TRMT10B: variants seen among roughly 807,000 people sequenced by gnomAD.
TRMT10B encodes the protein tRNA methyltransferase 10B, also known as tRNA methyltransferase 10 homolog B.
In TRMT10B, 33 loss-of-function variants were observed where a neutral mutation model predicts 43.8. The observed-to-expected ratio is 0.75, with a 90% CI of 0.57 to 1.01. The LOEUF (loss-of-function observed/expected upper bound fraction) is 1.01. TRMT10B is among the 50% of genes least tolerant of loss of function. TRMT10B has a pLI of 0.00. For missense variants in TRMT10B, 362 were observed against 369.8 expected (o/e 0.98, Z 0.17); for synonymous variants, 137 against 130.6 (o/e 1.05, Z -0.34).
At position 37,763,571 on chromosome 9, in the gene TRMT10B, C is replaced by G. The variant is rs556830746; in HGVS notation, c.296-58C>G. The G allele has an allele frequency of 1.8e-5, 27 of 1,500,040 alleles. No homozygotes were observed. In the African/African-American group the frequency reaches 3.7e-4, roughly 21 times the overall value. 92.9% of individuals were successfully genotyped at this position (1,500,040 alleles called of 1,614,324 possible). A position where few individuals can be genotyped will look rare whatever the true frequency, so the allele number is the denominator to read the frequency against. ...ATACCCACCTGGCTAAGATTTGTTTCTTATATAATATTCCTCTGGTTTTCC... is the reference window on the plus strand; with the variant it reads ...ATACCCACCTGGCTAAGATTTGTTTGTTATATAATATTCCTCTGGTTTTCC... On this transcript the variant is annotated intron_variant, in intron 3 of 8. Coordinates refer to ENST00000297994, the MANE Select transcript of TRMT10B (RefSeq NM_144964.4).
At chr9:37,761,767 T>A (rs1372280445) in intron 1 of TRMT10B, 136 bp from the exon 2 acceptor site, 1 of 607,034 alleles carries the variant, frequency 1.6e-6, no homozygotes, top group East Asian at 2.8e-5. Flanking sequence ...CACATGCTTT[T>A]CTCAGTCCAG....
In TRMT10B at chr9:37,775,925, C is replaced by T. The variant is rs150223462; in HGVS notation, c.721-357C>T. Among the ~76,000 whole-genome samples the T allele has an allele frequency of 1.6e-3, 241 of 152,336 alleles. 2 individuals carry two copies. The highest frequency in any genetic ancestry group is 5.6e-3 in the African/African-American group (234 of 41,584). ...GTCTACCTTTTCCTCTAATTTGATG[C>T]TGCCTTTTGGCAATGAGCTGGAAGT... On this transcript the variant is annotated intron_variant, in intron 7 of 8. Coordinates refer to ENST00000297994, the MANE Select transcript of TRMT10B (RefSeq NM_144964.4).
At chr9:37,765,247 C>T (rs182666026) in intron 4 of TRMT10B, among the ~76,000 whole-genome samples, 40 of 152,262 alleles carry the variant, frequency 2.6e-4, no homozygotes, top group Admixed American at 5.9e-4. Context: ...TCCTTCCCCC[C>T]GTCCCCCGAC....
intron 7 of TRMT10B, among the ~76,000 whole-genome samples, chr9:37,773,887 G>A (rs1589044663): frequency 6.6e-6 from 1 of 150,524 alleles, no homozygotes; most frequent in South Asian, 2.1e-4. Context: ...AGAGTTAGAG[G>A]CTGCAGAGAA....
chr9:37,769,720 T>C, intron 5 of TRMT10B: 1 of 490,166 alleles, frequency 2.0e-6, no homozygotes, highest in South Asian at 2.2e-5. Context: ...ACCTCACTCC[T>C]AAGTATTATA....
chr9:37,761,126 C>T (rs987382550), intron 1 of TRMT10B, among the ~76,000 whole-genome samples: 4 of 152,208 alleles, frequency 2.6e-5, no homozygotes, highest in Non-Finnish European at 5.9e-5. Flanking sequence ...GGTTTCATGT[C>T]ACTCTACTAT....
chr9:37,757,912 T>TC (rs573892323), intron 1 of TRMT10B, among the ~76,000 whole-genome samples: 123 of 152,322 alleles, frequency 8.1e-4, no homozygotes, highest in Admixed American at 2.9e-3. Flanking sequence ...AATGCTATTT[T>TC]CCCGCTTAAA....
Position 37,774,202 on chromosome 9 carries a change from G to A in TRMT10B, c.721-2080G>A, listed in dbSNP as rs115066596. Among the ~76,000 whole-genome samples the A allele has an allele frequency of 5.1e-3, 774 of 152,140 alleles. 5 individuals carry two copies. Among genetic ancestry groups the A allele is most frequent in the African/African-American group, 0.018 (737 of 41,508 alleles). ...TTTTTTGTTGAGTTGGGGTTTCACC[G>A]TATGGCCCATGCTGGTGTCGAACTG... On this transcript the variant is annotated intron_variant, in intron 7 of 8. Coordinates refer to ENST00000297994, the MANE Select transcript of TRMT10B (RefSeq NM_144964.4).
chr9:37,762,751 A>G (rs1826502245), intron 3 of TRMT10B, 66 bp downstream of exon 3: 1 of 1,490,854 alleles, frequency 6.7e-7, no homozygotes, highest in African/African-American at 1.4e-5. Context: ...TGCATGTTCC[A>G]ATGAGAGTAG....
rs1826694714 is a variant in TRMT10B at position 37,763,907 on chromosome 9, G to C, written c.420+154G>C. 4 of 1,476,394 alleles carry C rather than the reference G, an allele frequency of 2.7e-6. No homozygotes were observed. In the African/African-American group the frequency reaches 5.7e-5, roughly 21 times the overall value. The allele number at this position is 1,476,394 out of a possible 1,614,324, so 91.5% of individuals were successfully genotyped here. A position where few individuals can be genotyped will look rare whatever the true frequency, so the allele number is the denominator to read the frequency against. On this transcript the variant is annotated intron_variant, in intron 4 of 8. Transcript: ENST00000297994. Reference sequence around the variant, plus strand: ...TCTATACTGGGTTACTAAGTTCCAAGGTGGCTGTTGTAACGAACCTGGAAG... The same window carrying C: ...TCTATACTGGGTTACTAAGTTCCAACGTGGCTGTTGTAACGAACCTGGAAG...
At chr9:37,755,475 A>G (rs370043824) in intron 1 of TRMT10B, among the ~76,000 whole-genome samples, 37 of 152,348 alleles carry the variant, frequency 2.4e-4, no homozygotes, top group African/African-American at 8.7e-4. Context: ...CAGATTGAGC[A>G]GATCTCTGCT....
At chr9:37,764,519 C>T (rs1826774939) in intron 4 of TRMT10B, among the ~76,000 whole-genome samples, 1 of 151,878 alleles carries the variant, frequency 6.6e-6, no homozygotes, top group South Asian at 2.1e-4. Flanking sequence ...GATGGGGTTT[C>T]ACCATGTTAG....
chr9:37,752,945 C>A (rs968985409), upstream of TRMT10B, among the ~76,000 whole-genome samples: 1 of 152,126 alleles, frequency 6.6e-6, no homozygotes, highest in Admixed American at 6.5e-5. Flanking sequence ...GTGCTTTGTT[C>A]TTTGTAATAA....
chr9:37,765,591 G>T (rs1302182789), intron 4 of TRMT10B, among the ~76,000 whole-genome samples: 1 of 152,068 alleles, frequency 6.6e-6, no homozygotes, highest in East Asian at 1.9e-4. Flanking sequence ...TAATCCTTTG[G>T]GTATATACCC....
At chr9:37,757,654 C>G (rs957473831) in intron 1 of TRMT10B, among the ~76,000 whole-genome samples, 1 of 152,182 alleles carries the variant, frequency 6.6e-6, no homozygotes, top group Non-Finnish European at 1.5e-5. Flanking sequence ...CAAAACTGCT[C>G]AGAAGATTTA....
chr9:37,757,475 T>C (rs1297349566), intron 1 of TRMT10B, among the ~76,000 whole-genome samples: 1 of 152,350 alleles, frequency 6.6e-6, no homozygotes, highest in Non-Finnish European at 1.5e-5. Flanking sequence ...CATTTAAAAA[T>C]GTGTACTGGA....
Position 37,769,924 on chromosome 9 carries a change from C to T in TRMT10B, c.574-17C>T, listed in dbSNP as rs1013199061. On this transcript the variant is annotated splice_polypyrimidine_tract_variant and intron_variant, in intron 5 of 8. Coordinates refer to ENST00000297994, the MANE Select transcript of TRMT10B (RefSeq NM_144964.4). Reference sequence around the variant, plus strand: ...AGCCGTGAGCTGTTTTAACATCAGACTGTTTGCATTTTCCAGTTAGACATA... The same window carrying T: ...AGCCGTGAGCTGTTTTAACATCAGATTGTTTGCATTTTCCAGTTAGACATA... 6.2e-7 allele frequency: 1 copy of T among 1,610,982 alleles called. No homozygotes were observed. The highest frequency in any genetic ancestry group is 1.7e-5 in the Admixed American group (1 of 59,988).
chr9:37,763,858 G>A (rs1223832661), intron 4 of TRMT10B, 105 bp downstream of exon 4: 3 of 1,597,126 alleles, frequency 1.9e-6, no homozygotes, highest in Admixed American at 1.7e-5. Flanking sequence ...GGATTCCTTA[G>A]TAAACTAGTA....
Position 37,761,902 on chromosome 9 carries a change from G to T in TRMT10B, c.-29-1G>T. 2.5e-6 allele frequency: 4 copies of T among 1,579,336 alleles called. No homozygotes were observed. The highest frequency in any genetic ancestry group is 2.6e-6 in the Non-Finnish European group (3 of 1,157,606). On this transcript the variant is annotated splice_acceptor_variant, in intron 1 of 8. Transcript: ENST00000297994. LOFTEE classifies it low-confidence loss of function (5UTR_SPLICE). ...GCTCACATAATTGTGCCTTTTTCCA[G>T]TCTGGTGGAAAGGACAGAGGACTAA... is the stretch of plus-strand genomic sequence containing the variant.
Sources: allele counts gnomAD v4.1 joint callset (sites outside exome capture counted in the v4.1 genomes callset), GRCh38; gene constraint gnomAD v4.1.1; transcripts MANE v1.5; gene names NCBI Gene and HGNC (gene_info 2026-07-23, HGNC 2026-07-21).